HEG1: variants seen among roughly 807,000 people sequenced by gnomAD.
HEG1 encodes heart development protein with EGF like domains 1.
A neutral mutation model predicts 125.6 loss-of-function variants in HEG1; 56 were observed. The observed-to-expected ratio is 0.45, with a 90% confidence interval of 0.36 to 0.56. The LOEUF (loss-of-function observed/expected upper bound fraction) is 0.56, where lower values mean the gene tolerates loss of function less well. HEG1 is among the 20% of genes least tolerant of loss of function. The pLI, the probability that HEG1 is intolerant of heterozygous loss-of-function variation, is 0.00. For missense variants in HEG1, 1,523 were observed against 1,670.0 expected, an observed-to-expected ratio of 0.91 and a Z score of 1.53; for synonymous variants, 644 against 668.5, an observed-to-expected ratio of 0.96 and a Z score of 0.57.
chr3:125,055,087 C>A (rs376060498), intron 1 of HEG1, among the ~76,000 whole-genome samples: 1 of 152,160 alleles, frequency 6.6e-6, no homozygotes, highest in African/African-American at 2.4e-5. Flanking sequence ...ACCAGTAGAG[C>A]GTTTTGTTTC....
chr3:125,001,243 T>C (rs1013968561), intron 11 of HEG1, among the ~76,000 whole-genome samples: 1 of 152,160 alleles, frequency 6.6e-6, no homozygotes, highest in African/African-American at 2.4e-5. Flanking sequence ...GCTTTTTTTT[T>C]TTTTAACCTA....
chr3:125,039,847 A>AAC lies in HEG1; in HGVS notation c.317-10360_317-10359insGT, dbSNP rs1553780051. Among the ~76,000 whole-genome samples the AAC allele has an allele frequency of 6.3e-4, 94 of 150,182 alleles. 1 individual carries two copies. Among genetic ancestry groups the AAC allele is most frequent in the South Asian group, 1.5e-3 (7 of 4,756 alleles). ...AAAAGAACAGAGCCAAAAAAAAAAA[A>AAC]AACAACAAAAAAAAACAAGTCCCCC... On this transcript the variant is annotated intron_variant, in intron 1 of 16. Coordinates refer to ENST00000311127, the MANE Select transcript of HEG1 (RefSeq NM_020733.2).
intron 4 of HEG1, among the ~76,000 whole-genome samples, chr3:125,020,120 T>C (rs539143622): frequency 1.3e-5 from 2 of 152,332 alleles, no homozygotes; most frequent in South Asian, 4.1e-4. Flanking sequence ...ACAAAATAAC[T>C]GAAGCTAGTT....
chr3:125,013,320 A>G lies in HEG1; in HGVS notation c.2259T>C (p.Thr753=), dbSNP rs1443918986. ...TTGATGTCTGAAATGAAGTCACAGG[A>G]GTCTCCCTTGCCCTGGGCAGGACAG... ...STPVLPRARE[T]PVTSFQTSTM... The change falls in exon 6 of 17, where the codon ACT becomes ACC. Residue 753 remains threonine (T), a synonymous_variant. Coordinates refer to ENST00000311127, the MANE Select transcript of HEG1 (RefSeq NM_020733.2). The G allele has an allele frequency of 5.6e-6, 9 of 1,613,930 alleles. No individual in the cohort carries two copies. Among genetic ancestry groups the G allele is most frequent in the Non-Finnish European group, 7.6e-6 (9 of 1,179,866 alleles).
Position 124,965,772 on chromosome 3 carries a change from A to G in HEG1, c.*4880T>C, listed in dbSNP as rs1356058446. The G allele has an allele frequency of 2.0e-5, 3 of 152,272 alleles. No individual in the cohort carries two copies. The highest frequency in any genetic ancestry group is 6.5e-5 in the Admixed American group (1 of 15,290). The allele number at this position is 152,272 out of a possible 1,614,324, so 9.4% of individuals were successfully genotyped here. On this transcript the variant is annotated 3_prime_UTR_variant, in exon 17 of 17. Transcript: ENST00000311127. ...CTAGAACGCCAGACTTAGAGTGGAT[A>G]TAAGTATAAAAATAACCAAATTCTT...
rs373332941 is a variant in HEG1 at position 124,990,906 on chromosome 3, T to G, written c.3695+38A>C. 8 of 1,554,314 alleles carry G rather than the reference T, an allele frequency of 5.1e-6. No homozygotes were observed. The African/African-American group carries it at 9.5e-5, about 19-fold the overall frequency. Reference sequence around the variant, plus strand: ...AGTGAGGCAATTTATCTAAATAAGATTTGTAACAAAATTAGACTAAATCAA... The same window carrying G: ...AGTGAGGCAATTTATCTAAATAAGAGTTGTAACAAAATTAGACTAAATCAA... On this transcript the variant is annotated intron_variant, in intron 13 of 16. Transcript: ENST00000311127.
chr3:124,985,797 T>G (rs191286911), intron 14 of HEG1, among the ~76,000 whole-genome samples: 100 of 152,338 alleles, frequency 6.6e-4, no homozygotes, highest in Admixed American at 2.4e-3. Context: ...GTTTATTTTT[T>G]GAGACAGTCT....
chr3:125,012,754 C>G lies in HEG1; in HGVS notation c.2825G>C (p.Arg942Pro), dbSNP rs777218933. ...GGGAGAAGGAGATGTTCCGAGGGAACGTGAAGCTGGGCTGTACTCTGCTGT... is the reference window on the plus strand; with the variant it reads ...GGGAGAAGGAGATGTTCCGAGGGAAGGTGAAGCTGGGCTGTACTCTGCTGT... ...GVTAEYSPAS[R>P]SLGTSPSPQT... The change falls in exon 6 of 17, where the codon CGT becomes CCT. Residue 942 changes from arginine (R) to proline (P), a missense_variant. By Grantham distance (103) the Arg-to-Pro change is moderately radical. Transcript: ENST00000311127. 2 of 1,614,014 alleles carry G rather than the reference C, an allele frequency of 1.2e-6. No homozygotes were observed. Among genetic ancestry groups the G allele is most frequent in the Admixed American group, 1.7e-5 (1 of 60,024 alleles).
At chr3:124,991,085 T>C (rs975586262) in intron 12 of HEG1, 99 bp from the exon 13 acceptor site, 3 of 871,718 alleles carry the variant, frequency 3.4e-6, no homozygotes, top group Non-Finnish European at 5.4e-6. Flanking sequence ...AAGATTATTC[T>C]AGTACCAGAA....
chr3:125,013,590 A>C lies in HEG1; in HGVS notation c.1989T>G (p.Ser663=). Residue 663 remains serine, a synonymous_variant, in exon 6 of 17, where the codon TCT becomes TCG. Transcript: ENST00000311127. ...AAGAAGAAGAAGAGGAGGAGGAGGA[A>C]GAGGAGGAGGAGGAGTCACTAACAA... ...AEFVSDSSSS[S]SSSSSSSSSG... 1 of 1,596,926 alleles carries C rather than the reference A, an allele frequency of 6.3e-7. No individual in the cohort carries two copies. Among genetic ancestry groups the C allele is most frequent in the Non-Finnish European group, 8.5e-7 (1 of 1,171,582 alleles).
In HEG1 at chr3:125,013,697, G is replaced by A; in HGVS notation, c.1882C>T (p.Leu628=). The A allele has an allele frequency of 6.2e-7, 1 of 1,613,956 alleles. No homozygotes were observed. The highest frequency in any genetic ancestry group is 1.6e-4 in the Middle Eastern group (1 of 6,062). ...YAQPSTESPV[L]HTSNLPSYTP... ...TAGGACGGAAGGTTGGATGTATGCAGAACTGGCGACTCAGTAGAAGGCTGA... is the reference window on the plus strand; with the variant it reads ...TAGGACGGAAGGTTGGATGTATGCAAAACTGGCGACTCAGTAGAAGGCTGA... The change falls in exon 6 of 17, where the codon CTG becomes TTG. Residue 628 remains leucine, a synonymous_variant. Transcript: ENST00000311127.
chr3:124,979,107 G>A (rs1351205465), intron 14 of HEG1, among the ~76,000 whole-genome samples: 1 of 151,922 alleles, frequency 6.6e-6, no homozygotes, highest in African/African-American at 2.4e-5. Context: ...GTGCCACCAT[G>A]CCCTGCTAAT....
intron 11 of HEG1, among the ~76,000 whole-genome samples, chr3:125,000,452 A>G (rs1478814419): frequency 6.6e-6 from 1 of 152,214 alleles, no homozygotes; most frequent in African/African-American, 2.4e-5. Context: ...CTCACTGGGG[A>G]GGACAACTTG....
chr3:125,012,876 T>A lies in HEG1; in HGVS notation c.2703A>T (p.Thr901=). 2 of 1,614,060 alleles carry A rather than the reference T, an allele frequency of 1.2e-6. No homozygotes were observed. The highest frequency in any genetic ancestry group is 1.7e-6 in the Non-Finnish European group (2 of 1,179,888). Reference sequence around the variant, plus strand: ...CATCCACAATCACTCGGTTCCTTTCTGTGCTGATGCCACCTTCTGTTGAGA... The same window carrying A: ...CATCCACAATCACTCGGTTCCTTTCAGTGCTGATGCCACCTTCTGTTGAGA... The part of the protein sequence containing the change: ...PQISTEGGIS[T]ERNRVIVDAT... Residue 901 remains threonine, a synonymous_variant, in exon 6 of 17, where the codon ACA becomes ACT. Transcript: ENST00000311127.
intron 1 of HEG1, among the ~76,000 whole-genome samples, chr3:125,036,878 G>A (rs973029929): frequency 6.6e-6 from 1 of 152,198 alleles, no homozygotes; most frequent in African/African-American, 2.4e-5. Context: ...TCCTTTTGGT[G>A]AGGAATTTGG....
At chr3:125,045,620 T>C (rs987779724) in intron 1 of HEG1, among the ~76,000 whole-genome samples, 47 of 152,288 alleles carry the variant, frequency 3.1e-4, no homozygotes, top group African/African-American at 1.0e-3. Flanking sequence ...AAAAGGCTAT[T>C]GAGATTTCTC....
intron 1 of HEG1, among the ~76,000 whole-genome samples, chr3:125,037,974 T>A (rs1937562395): frequency 6.6e-6 from 1 of 152,232 alleles, no homozygotes; most frequent in South Asian, 2.1e-4. Flanking sequence ...TGTAGACATG[T>A]AAGAGCTTAG....
At chr3:125,015,230 T>A (rs1159326181) in intron 5 of HEG1, among the ~76,000 whole-genome samples, 1 of 152,244 alleles carries the variant, frequency 6.6e-6, no homozygotes, top group Non-Finnish European at 1.5e-5. Flanking sequence ...CCTGGATTTA[T>A]AGGAGGGTAT....
intron 14 of HEG1, among the ~76,000 whole-genome samples, chr3:124,981,640 G>C (rs950003030): frequency 6.6e-6 from 1 of 152,144 alleles, no homozygotes; most frequent in African/African-American, 2.4e-5. Context: ...GGACCAGACC[G>C]TGGGTAGCAC....
Sources: allele counts gnomAD v4.1 joint callset (sites outside exome capture counted in the v4.1 genomes callset), GRCh38; gene constraint gnomAD v4.1.1; transcripts MANE v1.5; gene names NCBI Gene and HGNC (gene_info 2026-07-23, HGNC 2026-07-21).